TAFA2: variants seen among roughly 807,000 people sequenced by gnomAD.
TAFA2 encodes chemokine-like protein TAFA-2.
A neutral mutation model predicts 18.8 loss-of-function variants in TAFA2; 7 were observed. The observed-to-expected ratio is 0.37, with a 90% confidence interval of 0.21 to 0.70. The LOEUF is 0.70. Among genes scored for constraint, TAFA2 ranks in the 30% least tolerant of loss-of-function variants. The pLI is 0.53. For missense variants in TAFA2, 122 were observed against 158.1 expected, an observed-to-expected ratio of 0.77 and a Z score of 1.23; for synonymous variants, 60 against 54.2, an observed-to-expected ratio of 1.11 and a Z score of -0.47.
intron 2 of TAFA2, among the ~76,000 whole-genome samples, chr12:61,780,611 A>G (rs1054100537): frequency 6.6e-6 from 1 of 151,548 alleles, no homozygotes; most frequent in African/African-American, 2.4e-5. Context: ...ATCAAGAAAG[A>G]CAGGGCCCTG....
intron 1 of TAFA2, among the ~76,000 whole-genome samples, chr12:62,063,627 A>G (rs1163791764): frequency 3.3e-5 from 5 of 152,120 alleles, no homozygotes; most frequent in African/African-American, 1.2e-4. Flanking sequence ...CTGTCTTTCC[A>G]TTTGCACAAT....
chr12:61,929,429 A>G (rs1167772123), intron 1 of TAFA2, among the ~76,000 whole-genome samples: 27 of 152,254 alleles, frequency 1.8e-4, no homozygotes, highest in Non-Finnish European at 1.9e-4. Flanking sequence ...GGCCATCAGA[A>G]AAATGCAAAT....
At chr12:62,066,480 A>G (rs1400639735) in intron 1 of TAFA2, among the ~76,000 whole-genome samples, 1 of 151,838 alleles carries the variant, frequency 6.6e-6, no homozygotes, top group East Asian at 1.9e-4. Flanking sequence ...AGCTACTGGT[A>G]ACCATCCTTC....
At chr12:61,875,218 A>G (rs1249946666) in intron 1 of TAFA2, among the ~76,000 whole-genome samples, 1 of 151,932 alleles carries the variant, frequency 6.6e-6, no homozygotes, top group Non-Finnish European at 1.5e-5. Flanking sequence ...GAGGCATTTT[A>G]CTCTTTTCTC....
chr12:61,933,826 T>C (rs536368158), intron 1 of TAFA2, among the ~76,000 whole-genome samples: 3 of 152,338 alleles, frequency 2.0e-5, no homozygotes, highest in South Asian at 2.1e-4. Flanking sequence ...GCTAAGCACA[T>C]AGACATAATG....
At chr12:62,221,054 A>C (rs961989816) in intron 1 of TAFA2, among the ~76,000 whole-genome samples, 8 of 151,598 alleles carry the variant, frequency 5.3e-5, no homozygotes, top group African/African-American at 1.9e-4. Context: ...CAGTGAGCCA[A>C]GTTTGTGCCA....
chr12:62,059,090 A>G (rs1882270648), intron 1 of TAFA2, among the ~76,000 whole-genome samples: 1 of 143,866 alleles, frequency 7.0e-6, no homozygotes, highest in South Asian at 2.3e-4. Context: ...GTGACAGACC[A>G]AGACTCCGTC....
At chr12:61,733,537 C>T (rs1395703167) in intron 4 of TAFA2, among the ~76,000 whole-genome samples, 2 of 149,984 alleles carry the variant, frequency 1.3e-5, no homozygotes, top group Non-Finnish European at 3.0e-5. Context: ...GGAATCCTTT[C>T]CCCATTGCTT....
chr12:61,713,548 T>C (rs988568050), intron 4 of TAFA2, among the ~76,000 whole-genome samples: 6 of 152,126 alleles, frequency 3.9e-5, no homozygotes, highest in African/African-American at 1.2e-4. Flanking sequence ...TATAAATATC[T>C]ACCAGCACCC....
intron 1 of TAFA2, among the ~76,000 whole-genome samples, chr12:62,031,792 T>A (rs1047558188): frequency 2.6e-5 from 4 of 152,216 alleles, no homozygotes; most frequent in African/African-American, 9.6e-5. Context: ...TGTTGATATA[T>A]ATGTTGTAAC....
chr12:61,848,465 T>C (rs746118743), intron 2 of TAFA2, among the ~76,000 whole-genome samples: 1 of 152,196 alleles, frequency 6.6e-6, no homozygotes, highest in Non-Finnish European at 1.5e-5. Context: ...AAAAAGTGAA[T>C]GCTAGACTTG....
At chr12:61,993,828 G>A (rs757950398) in intron 1 of TAFA2, among the ~76,000 whole-genome samples, 13 of 152,158 alleles carry the variant, frequency 8.5e-5, no homozygotes, top group Non-Finnish European at 1.3e-4. Flanking sequence ...TTTGCCTTGA[G>A]TGCTGCTTCT....
chr12:62,100,485 G>T (rs952603899), intron 1 of TAFA2, among the ~76,000 whole-genome samples: 33 of 152,086 alleles, frequency 2.2e-4, no homozygotes, highest in African/African-American at 8.0e-4. Flanking sequence ...TGGTATACTA[G>T]CTAACTTCTA....
intron 1 of TAFA2, among the ~76,000 whole-genome samples, chr12:61,990,297 CTATT>C (rs1334734471): frequency 1.3e-5 from 2 of 148,204 alleles, no homozygotes; most frequent in Admixed American, 6.7e-5. Context: ...TTTTATTAGA[CTATT>C]TATTAAGTGT....
intron 2 of TAFA2, among the ~76,000 whole-genome samples, chr12:61,787,530 T>C (rs1436079177): frequency 6.6e-6 from 1 of 151,582 alleles, no homozygotes; most frequent in Non-Finnish European, 1.5e-5. Context: ...ACAAAATATA[T>C]ATAGATGTAA....
chr12:62,043,694 G>A (rs1394991275), intron 1 of TAFA2, among the ~76,000 whole-genome samples: 1 of 152,020 alleles, frequency 6.6e-6, no homozygotes, highest in East Asian at 1.9e-4. Flanking sequence ...ATTTTACTTG[G>A]TGTTTTTATA....
chr12:61,722,733 T>C (rs1869963686), intron 4 of TAFA2, among the ~76,000 whole-genome samples: 1 of 152,148 alleles, frequency 6.6e-6, no homozygotes, highest in Admixed American at 6.6e-5. Context: ...TTTTCCTATA[T>C]GTCTTATCTC....
intron 1 of TAFA2, among the ~76,000 whole-genome samples, chr12:61,932,600 G>A (rs980720008): frequency 1.1e-3 from 160 of 151,888 alleles, no homozygotes; most frequent in Non-Finnish European, 4.3e-4. Flanking sequence ...CCTCCACCAC[G>A]CCCAGCTAAT....
intron 1 of TAFA2, among the ~76,000 whole-genome samples, chr12:62,142,779 C>G (rs188759108): frequency 5.7e-4 from 86 of 152,194 alleles, no homozygotes; most frequent in African/African-American, 2.1e-3. Context: ...TGAAAAAGAT[C>G]CACCTTTTGT....
Sources: gnomAD v4.1 joint callset for allele counts (sites outside exome capture counted in the v4.1 genomes callset) on GRCh38, gnomAD v4.1.1 for gene constraint, MANE v1.5 for transcripts, NCBI Gene and HGNC (gene_info 2026-07-23, HGNC 2026-07-21) for gene names.